The following OAS2 variants were observed in gnomAD, a reference collection of about 807,000 sequenced individuals.
OAS2 encodes the protein 2'-5'-oligoadenylate synthetase 2.
OAS2 carries 67 observed loss-of-function variants against 71.3 expected under a neutral mutation model. The ratio of observed to expected loss-of-function variants is 0.94; its 90% CI spans 0.77 to 1.15. The LOEUF is 1.15. Among genes scored for constraint, OAS2 ranks in the 50% most tolerant of loss-of-function variants. The pLI, the probability that OAS2 is intolerant of heterozygous loss-of-function variation, is 0.00. For missense variants in OAS2, 789 were observed against 822.5 expected (o/e 0.96, Z 0.50); for synonymous variants, 327 against 321.8 (o/e 1.02, Z -0.17).
chr12:112,985,248 C>T (rs547565862), intron 1 of OAS2, among the ~76,000 whole-genome samples: 6 of 152,270 alleles, frequency 3.9e-5, no homozygotes, highest in African/African-American at 1.4e-4. Flanking sequence ...ATTTTCTATG[C>T]CTTTGCCCAT....
At chr12:112,996,722 G>A (rs1330826803) in intron 3 of OAS2, among the ~76,000 whole-genome samples, 3 of 152,088 alleles carry the variant, frequency 2.0e-5, no homozygotes, top group African/African-American at 7.2e-5. Flanking sequence ...CATGGAGGCT[G>A]TACATTGGTT....
intron 5 of OAS2, 107 bp from the exon 6 acceptor site, chr12:113,002,825 A>G: frequency 1.1e-6 from 1 of 893,338 alleles, no homozygotes; most frequent in Non-Finnish European, 1.8e-6. Flanking sequence ...CACGAGCAGG[A>G]GGGCAGTTGG....
chr12:112,984,639 T>C (rs1412845826), intron 1 of OAS2, among the ~76,000 whole-genome samples: 1 of 152,230 alleles, frequency 6.6e-6, no homozygotes, highest in Non-Finnish European at 1.5e-5. Flanking sequence ...TGTACATTCT[T>C]TGTTCTTTTC....
In OAS2 at chr12:112,997,519, G is replaced by A; in HGVS notation, c.628-1G>A. 6.2e-7 allele frequency: 1 copy of A among 1,613,084 alleles called. No individual in the cohort carries two copies. The highest frequency in any genetic ancestry group is 8.5e-7 in the Non-Finnish European group (1 of 1,179,376). On this transcript the variant is annotated splice_acceptor_variant, in intron 3 of 9. Coordinates refer to ENST00000392583, the MANE Select transcript of OAS2 (RefSeq NM_002535.3). LOFTEE classifies it high-confidence loss of function. ...GCTGCTACCCTTTCCTTATCCCACA[G>A]TGCCAGAAAAAAATCAAGGATTTAC... is the stretch of plus-strand genomic sequence containing the variant.
At chr12:112,998,593 C>T (rs574214249) in intron 5 of OAS2, among the ~76,000 whole-genome samples, 183 bp downstream of exon 5, 13 of 152,324 alleles carry the variant, frequency 8.5e-5, no homozygotes, top group African/African-American at 2.9e-4. Context: ...ATTACAAGTT[C>T]AAAATCAGGG....
At position 113,005,181 on chromosome 12, in the gene OAS2, A is replaced by G. The variant is rs747595436; in HGVS notation, c.1427A>G (p.Glu476Gly). The change falls in exon 7 of 10, where the codon GAA (glutamate) becomes GGA (glycine). Residue 476 changes from glutamate to glycine, a missense_variant. By Grantham distance (98) the Glu-to-Gly change is moderately conservative (BLOSUM62 -2). Transcript: ENST00000392583. ...TCTCTGAAATCCAAAGTCCTCAACG[A>G]AAGTGTCAGCTTTGATGTGCTTCCT... The part of the protein sequence containing the change: ...SFSLKSKVLN[E>G]SVSFDVLPAF... The G allele has an allele frequency of 2.5e-6, 4 of 1,613,958 alleles. No individual in the cohort carries two copies. Among genetic ancestry groups the G allele is most frequent in the Non-Finnish European group, 3.4e-6 (4 of 1,180,000 alleles).
chr12:113,006,482 C>T lies in OAS2; in HGVS notation c.1538C>T (p.Ser513Leu), dbSNP rs772077979. The change falls in exon 8 of 10, where the codon TCG becomes TTG. Residue 513 changes from serine to leucine, a missense_variant. By Grantham distance (145) the Ser-to-Leu change is moderately radical. Coordinates refer to ENST00000392583, the MANE Select transcript of OAS2 (RefSeq NM_002535.3). The stretch of plus-strand genomic sequence containing the variant: ...GGGCTCATTGATCTGTATAAATCCT[C>T]GGACCTCCCGGGAGGAGAGTTTTCT... ...YAGLIDLYKS[S>L]DLPGGEFSTC... is the part of the protein sequence containing the mutation. 3 of 1,613,406 alleles carry T rather than the reference C, an allele frequency of 1.9e-6. No individual in the cohort carries two copies. The highest frequency in any genetic ancestry group is 2.5e-6 in the Non-Finnish European group (3 of 1,179,530).
chr12:112,984,584 G>C (rs892150340), intron 1 of OAS2, among the ~76,000 whole-genome samples: 1 of 152,104 alleles, frequency 6.6e-6, no homozygotes, highest in African/African-American at 2.4e-5. Flanking sequence ...GTTATTGATA[G>C]GTAACAACTT....
rs1022979709 is a variant in OAS2, at chr12:112,995,539, C to T, written c.627+65C>T. 4 of 1,437,430 alleles carry T rather than the reference C, an allele frequency of 2.8e-6. No individual in the cohort carries two copies. The African/African-American group carries it at 5.7e-5, about 20-fold the overall frequency. The allele number at this position is 1,437,430 out of a possible 1,614,324, so 89.0% of individuals were successfully genotyped here. A position where few individuals can be genotyped will look rare whatever the true frequency, so the allele number is the denominator to read the frequency against. Reference sequence around the variant, plus strand: ...CCTTTTTATCGAGATAATTGACATCCAGTAAAGTGCAACAATCTTAGGTAT... The same window carrying T: ...CCTTTTTATCGAGATAATTGACATCTAGTAAAGTGCAACAATCTTAGGTAT... On this transcript the variant is annotated intron_variant, in intron 3 of 9. Transcript: ENST00000392583.
Position 113,009,954 on chromosome 12 carries a change from A to AT in OAS2, c.*702dup. The stretch of plus-strand genomic sequence containing the variant: ...CACCAGGTTCTTTCTTTAAAGCAGG[A>AT]TTTCTCAACTTTGATACTTACTCAC... On this transcript the variant is annotated 3_prime_UTR_variant, in exon 10 of 10. Coordinates refer to ENST00000392583, the MANE Select transcript of OAS2 (RefSeq NM_002535.3). 3.0e-6 allele frequency: 3 copies of AT among 987,220 alleles called. No homozygotes were observed. The South Asian group carries it at 1.4e-4, about 46-fold the overall frequency. The allele number at this position is 987,220 out of a possible 1,614,324, so 61.2% of individuals were successfully genotyped here.
At chr12:113,000,917 C>G in intron 5 of OAS2, among the ~76,000 whole-genome samples, 1 of 152,220 alleles carries the variant, frequency 6.6e-6, no homozygotes, top group East Asian at 1.9e-4. Context: ...AAGCTGAGTG[C>G]CCTTCCCCAC....
Position 113,002,991 on chromosome 12 carries a change from C to T in OAS2, c.1068C>T (p.Leu356=). ...HLLDKFIKEF[L]QPNKCFLEQI... Reference sequence around the variant, plus strand: ...TGGATAAGTTCATCAAGGAGTTTCTCCAGCCCAACAAATGCTTCCTAGAGC... The same window carrying T: ...TGGATAAGTTCATCAAGGAGTTTCTTCAGCCCAACAAATGCTTCCTAGAGC... The change falls in exon 6 of 10, where the codon CTC becomes CTT. Residue 356 remains leucine, a synonymous_variant. Coordinates refer to ENST00000392583, the MANE Select transcript of OAS2 (RefSeq NM_002535.3). The T allele has an allele frequency of 1.2e-6, 2 of 1,614,124 alleles. No homozygotes were observed. The highest frequency in any genetic ancestry group is 8.5e-7 in the Non-Finnish European group (1 of 1,179,998).
rs201132845 is a variant in OAS2 at position 112,987,072 on chromosome 12, G to A, written c.212G>A (p.Gly71Asp). The A allele has an allele frequency of 9.3e-6, 15 of 1,613,774 alleles. No individual in the cohort carries two copies. Among genetic ancestry groups the A allele is most frequent in the Non-Finnish European group, 1.3e-5 (15 of 1,179,822 alleles). The change falls in exon 2 of 10, where the codon GGC (glycine) becomes GAC (aspartate). Residue 71 changes from glycine to aspartate, a missense_variant. By Grantham distance (94) the Gly-to-Asp change is moderately conservative. Coordinates refer to ENST00000392583, the MANE Select transcript of OAS2 (RefSeq NM_002535.3). ...GSYGRKTVLR[G>D]NSDGTLVLFF... ...TATGGACGGAAAACAGTCTTAAGAG[G>A]CAACTCCGATGGTACCCTTGTCCTC...
chr12:112,995,362 C>T lies in OAS2; in HGVS notation c.515C>T (p.Ala172Val). Residue 172 changes from alanine (A) to valine (V), a missense_variant, in exon 3 of 10, where the codon GCC (alanine) becomes GTC (valine). Ala to Val is a moderately conservative substitution (Grantham distance 64). Transcript: ENST00000392583. ...AAAAGATCCTTGGATAAGACAAATG[C>T]CAGTCCTGGTGAGTTTGCAGTCTGC... ...ELKRSLDKTNASPGEFAVCFT... is the reference protein window; with the variant it reads ...ELKRSLDKTNVSPGEFAVCFT... The T allele has an allele frequency of 6.2e-7, 1 of 1,614,066 alleles. No homozygotes were observed. The highest frequency in any genetic ancestry group is 1.1e-5 in the South Asian group (1 of 91,084).
chr12:112,997,827 T>C, intron 4 of OAS2, 72 bp downstream of exon 4: 1 of 1,245,626 alleles, frequency 8.0e-7, no homozygotes, highest in Non-Finnish European at 1.1e-6. Flanking sequence ...TGGAATGAGA[T>C]CTCAGCCTTG....
chr12:113,006,538 A>G lies in OAS2; in HGVS notation c.1594A>G (p.Ile532Val). 6.2e-7 allele frequency: 1 copy of G among 1,613,018 alleles called. No homozygotes were observed. The highest frequency in any genetic ancestry group is 1.7e-5 in the Admixed American group (1 of 59,982). Residue 532 changes from isoleucine (I) to valine (V), a missense_variant, in exon 8 of 10, where the codon ATT becomes GTT. Coordinates refer to ENST00000392583, the MANE Select transcript of OAS2 (RefSeq NM_002535.3). ...TTTCACAGTCCTGCAGCGAAACTTC[A>G]TTCGCTCCCGGCCCACCAAACTAAA... ...TCFTVLQRNF[I>V]RSRPTKLKDL...
Position 113,009,399 on chromosome 12 carries a change from CA to C in OAS2, c.*145del. 1 of 1,468,542 alleles carries C rather than the reference CA, an allele frequency of 6.8e-7. No individual in the cohort carries two copies. Among genetic ancestry groups the C allele is most frequent in the South Asian group, 1.4e-5 (1 of 70,398 alleles). The allele number at this position is 1,468,542 out of a possible 1,614,324, so 91.0% of individuals were successfully genotyped here. On this transcript the variant is annotated 3_prime_UTR_variant, in exon 10 of 10. Coordinates refer to ENST00000392583, the MANE Select transcript of OAS2 (RefSeq NM_002535.3). ...ACAGCTGGTCAGCCCCCTAAGCCCC[CA>C]CTACAAGTGATCCTCAGGCAGGTAA...
Position 112,987,099 on chromosome 12 carries a change from TC to T in OAS2, c.240del (p.Phe81SerfsTer4), listed in dbSNP as rs534041141. 195 of 1,614,182 alleles carry T rather than the reference TC, an allele frequency of 1.2e-4. No individual in the cohort carries two copies. The Middle Eastern group carries it at 1.5e-3, about 12-fold the overall frequency. On this transcript the variant is annotated frameshift_variant, in exon 2 of 10. Coordinates refer to ENST00000392583, the MANE Select transcript of OAS2 (RefSeq NM_002535.3). LOFTEE classifies it high-confidence loss of function. ...AACTCCGATGGTACCCTTGTCCTCT[TC>T]TTCAGTGACTTAAAACAATTCCAGG... ...RGNSDGTLVL[F>X]FSDLKQFQDQ...
At chr12:112,988,080 C>T in intron 2 of OAS2, 2 of 985,420 alleles carry the variant, frequency 2.0e-6, no homozygotes, top group Non-Finnish European at 2.4e-6. Flanking sequence ...AAGCTGACCA[C>T]CAATTATAAT....
Sources: allele counts gnomAD v4.1 joint callset (sites outside exome capture counted in the v4.1 genomes callset), GRCh38; gene constraint gnomAD v4.1.1; transcripts MANE v1.5; gene names NCBI Gene and HGNC (gene_info 2026-07-23, HGNC 2026-07-21).